DIAPH2: variants seen among roughly 807,000 people sequenced by gnomAD.
DIAPH2 encodes protein diaphanous homolog 2.
DIAPH2 carries 35 observed loss-of-function variants against 92.7 expected under a neutral mutation model. The observed-to-expected ratio is 0.38, with a 90% CI of 0.29 to 0.50. The LOEUF is 0.50. Among genes scored for constraint, DIAPH2 ranks in the 20% least tolerant of loss-of-function variants. DIAPH2 has a pLI of 0.94. For synonymous variants in DIAPH2, 301 were observed against 280.4 expected (o/e 1.07, Z -0.73); for missense variants, 701 against 819.5 (o/e 0.86, Z 1.77).
At chrX:97,363,201 C>A (rs2069342261) in intron 24 of DIAPH2, among the ~76,000 whole-genome samples, 1 of 111,963 alleles carries the variant, frequency 8.9e-6, no homozygotes, top group South Asian at 3.7e-4. Flanking sequence ...TACTTTTAGA[C>A]ACAGATCAAA....
intron 22 of DIAPH2, among the ~76,000 whole-genome samples, chrX:97,243,713 A>G (rs1171578720): frequency 9.0e-6 from 1 of 111,355 alleles, no homozygotes. Context: ...CCATTTGTCT[A>G]AGCATCTCCC....
At chrX:97,135,799 A>T (rs2067166515) in intron 21 of DIAPH2, among the ~76,000 whole-genome samples, 1 of 111,830 alleles carries the variant, frequency 8.9e-6, no homozygotes, top group Non-Finnish European at 1.9e-5. Context: ...AAAAGCACTT[A>T]TGAAAGTGCC....
chrX:96,742,670 C>CT lies in DIAPH2; in HGVS notation c.342+3922dup, dbSNP rs758196935. On this transcript the variant is annotated intron_variant, in intron 3 of 26. Coordinates refer to ENST00000324765, the MANE Select transcript of DIAPH2 (RefSeq NM_006729.5). ...CAATGATTCCTGTTAGTTTTTCTTTCTTTTTTTTTTTTTTGAGATGGAGTC... is the reference window on the plus strand; with the variant it reads ...CAATGATTCCTGTTAGTTTTTCTTTCTTTTTTTTTTTTTTTGAGATGGAGTC... Among the ~76,000 whole-genome samples the CT allele has an allele frequency of 6.0e-3, 605 of 100,887 alleles. 3 individuals carry two copies. Among genetic ancestry groups the CT allele is most frequent in the African/African-American group, 6.6e-3 (186 of 28,015 alleles). The allele number at this position is 100,887 out of a possible 115,157, so 87.6% of individuals were successfully genotyped here.
chrX:97,141,653 G>T lies in DIAPH2; in HGVS notation c.2590-12G>T. On this transcript the variant is annotated splice_polypyrimidine_tract_variant and intron_variant, in intron 21 of 26. Coordinates refer to ENST00000324765, the MANE Select transcript of DIAPH2 (RefSeq NM_006729.5). ...AAAAATTACTAAAAAATGTGTTGTT[G>T]TTTTCTCCCAGATCAGAGATACTAA... The T allele has an allele frequency of 8.5e-7, 1 of 1,177,208 alleles. No individual in the cohort carries two copies.
chrX:97,345,597 C>T (rs1354371130), intron 23 of DIAPH2, among the ~76,000 whole-genome samples: 1 of 111,946 alleles, frequency 8.9e-6, no homozygotes, highest in Non-Finnish European at 1.9e-5. Flanking sequence ...AATATTAATA[C>T]TCTATAGTAG....
At chrX:97,497,246 C>T (rs763197404) in intron 26 of DIAPH2, among the ~76,000 whole-genome samples, 1 of 111,040 alleles carries the variant, frequency 9.0e-6, no homozygotes, top group East Asian at 2.9e-4. Flanking sequence ...AATAAGATAT[C>T]ATTGCAGAAA....
At chrX:97,106,756 GC>G (rs918563888) in intron 20 of DIAPH2, among the ~76,000 whole-genome samples, 1 of 110,382 alleles carries the variant, frequency 9.1e-6, no homozygotes, top group African/African-American at 3.3e-5. Context: ...ACATGGTGAA[GC>G]CCCGTCTCTA....
At chrX:96,999,394 G>A (rs977373173) in intron 17 of DIAPH2, among the ~76,000 whole-genome samples, 7 of 106,812 alleles carry the variant, frequency 6.6e-5, no homozygotes, top group Admixed American at 2.0e-4. Context: ...CCAGCTACTC[G>A]GGAGGCTGAG....
At chrX:97,086,853 T>G (rs902453074) in intron 19 of DIAPH2, among the ~76,000 whole-genome samples, 3 of 111,576 alleles carry the variant, frequency 2.7e-5, no homozygotes, top group African/African-American at 9.8e-5. Flanking sequence ...ATTGATTTTT[T>G]TAAAGCCCAT....
In DIAPH2 at chrX:97,329,891, GACACACACACAC is replaced by G. The variant is rs201851023; in HGVS notation, c.2845-18190_2845-18179del. ...TTTTTCTGCCCTCCCTGCATTCTTA[GACACACACACAC>G]ACACACACACACACACACACACACA... On this transcript the variant is annotated intron_variant, in intron 23 of 26. Transcript: ENST00000324765. 8.8e-3 allele frequency among the ~76,000 whole-genome samples: 696 copies of G among 79,330 alleles called. 7 individuals carry two copies. The highest frequency in any genetic ancestry group is 0.025 in the African/African-American group (511 of 20,467). 68.9% of individuals were successfully genotyped at this position (79,330 alleles called of 115,157 possible). A position where few individuals can be genotyped will look rare whatever the true frequency, so the allele number is the denominator to read the frequency against.
intron 4 of DIAPH2, among the ~76,000 whole-genome samples, chrX:96,851,639 G>T (rs1048113116): frequency 4.5e-5 from 5 of 112,143 alleles, no homozygotes; most frequent in African/African-American, 1.6e-4. Context: ...ACAAGGAAAA[G>T]AGTCTGTATA....
At chrX:97,194,426 C>T (rs1486909227) in intron 22 of DIAPH2, among the ~76,000 whole-genome samples, 2 of 109,492 alleles carry the variant, frequency 1.8e-5, no homozygotes, top group Non-Finnish European at 3.8e-5. Flanking sequence ...GGACTACAGG[C>T]ACCCGCCACC....
At chrX:96,841,553 A>G (rs1349822084) in intron 4 of DIAPH2, among the ~76,000 whole-genome samples, 2 of 111,480 alleles carry the variant, frequency 1.8e-5, no homozygotes, top group African/African-American at 6.5e-5. Context: ...AAATCTAATC[A>G]TGTGTTCCTT....
chrX:97,181,555 G>A (rs1019277051), intron 22 of DIAPH2, among the ~76,000 whole-genome samples: 58 of 111,889 alleles, frequency 5.2e-4, no homozygotes, highest in African/African-American at 1.9e-3. Flanking sequence ...GGGATTACAG[G>A]CATGCGCCAC....
intron 17 of DIAPH2, among the ~76,000 whole-genome samples, chrX:96,965,529 A>G (rs1244804930): frequency 9.0e-6 from 1 of 111,565 alleles, no homozygotes; most frequent in East Asian, 2.8e-4. Flanking sequence ...CCGTTGATTC[A>G]TCATGTAAGA....
At chrX:97,555,783 C>T (rs1465441772) in intron 26 of DIAPH2, among the ~76,000 whole-genome samples, 1 of 111,983 alleles carries the variant, frequency 8.9e-6, no homozygotes, top group Admixed American at 9.5e-5. Flanking sequence ...GCAAAGACTA[C>T]ATTAATGAAA....
chrX:97,133,221 C>T (rs1437858845), intron 21 of DIAPH2, among the ~76,000 whole-genome samples: 2 of 112,256 alleles, frequency 1.8e-5, no homozygotes, highest in African/African-American at 6.5e-5. Flanking sequence ...TGCAAGAAAA[C>T]CAGGTGCTCC....
At chrX:96,937,784 TTG>T (rs1423594044) in intron 11 of DIAPH2, among the ~76,000 whole-genome samples, 2 of 112,243 alleles carry the variant, frequency 1.8e-5, no homozygotes, top group Non-Finnish European at 3.8e-5. Context: ...ATTCAAATAT[TTG>T]TGTTTCTTAA....
At chrX:96,699,734 G>A (rs2063844255) in intron 1 of DIAPH2, among the ~76,000 whole-genome samples, 1 of 111,433 alleles carries the variant, frequency 9.0e-6, no homozygotes, top group African/African-American at 3.3e-5. Context: ...GCTAATCCCT[G>A]TCTTCATGGA....
Sources: gnomAD v4.1 joint callset for allele counts (sites outside exome capture counted in the v4.1 genomes callset) on GRCh38, gnomAD v4.1.1 for gene constraint, MANE v1.5 for transcripts, NCBI Gene and HGNC (gene_info 2026-07-23, HGNC 2026-07-21) for gene names.